Variants in PDE4B observed in about 807,000 individuals in gnomAD.
The protein encoded by PDE4B is 3',5'-cyclic-AMP phosphodiesterase 4B.
In PDE4B, 20 loss-of-function variants were observed where a neutral mutation model predicts 82.2. The ratio of observed to expected loss-of-function variants is 0.24; its 90% CI spans 0.17 to 0.35. The LOEUF is 0.35. Ranked by LOEUF, PDE4B falls within the 10% of genes least tolerant of loss-of-function variation. The pLI is 1.00. For synonymous variants in PDE4B, 320 were observed against 318.9 expected (o/e 1.00, Z -0.04); for missense variants, 655 against 907.2 (o/e 0.72, Z 3.57).
intron 3 of PDE4B, among the ~76,000 whole-genome samples, chr1:66,241,189 T>C (rs756296956): frequency 5.9e-5 from 9 of 152,248 alleles, no homozygotes; most frequent in Non-Finnish European, 1.3e-4. Flanking sequence ...ACTGTAATAT[T>C]CTGCTGTAGC....
At chr1:65,821,055 A>G (rs1645946458) in intron 1 of PDE4B, among the ~76,000 whole-genome samples, 1 of 152,224 alleles carries the variant, frequency 6.6e-6, no homozygotes, top group Admixed American at 6.5e-5. Flanking sequence ...AACCCTGGCC[A>G]TAATTTACAA....
chr1:66,331,995 G>A (rs148287273), intron 7 of PDE4B: 10 of 1,029,540 alleles, frequency 9.7e-6, no homozygotes, highest in African/African-American at 1.7e-5. Flanking sequence ...GACTTTGAAC[G>A]TAATGGTCAA....
rs1196179298 is a variant in PDE4B at position 66,374,237 on chromosome 1, CAA to C, written c.*1560_*1561del. On this transcript the variant is annotated 3_prime_UTR_variant, in exon 17 of 17. Coordinates refer to ENST00000341517, the MANE Select transcript of PDE4B (RefSeq NM_002600.4). ...TTCATTACAAAAGAAAACAATAAAA[CAA>C]TGTGAATTTTTATAATAAAATGTGA... is the stretch of plus-strand genomic sequence containing the variant. 1.3e-5 allele frequency: 2 copies of C among 152,622 alleles called. No individual in the cohort carries two copies. Among genetic ancestry groups the C allele is most frequent in the Non-Finnish European group, 2.9e-5 (2 of 68,034 alleles). 9.5% of individuals were successfully genotyped at this position (152,622 alleles called of 1,614,324 possible). A position where few individuals can be genotyped will look rare whatever the true frequency, so the allele number is the denominator to read the frequency against.
chr1:66,298,687 T>G (rs1657678215), intron 7 of PDE4B, among the ~76,000 whole-genome samples: 1 of 152,146 alleles, frequency 6.6e-6, no homozygotes, highest in African/African-American at 2.4e-5. Context: ...AAGTCAGGTA[T>G]GTGTTGCACT....
chr1:65,992,931 G>A lies in PDE4B; in HGVS notation c.281+74096G>A, dbSNP rs142761289. The A allele has an allele frequency of 2.8e-4, 455 of 1,613,726 alleles. 1 individual carries two copies. The highest frequency in any genetic ancestry group is 3.8e-4 in the East Asian group (17 of 44,858). On this transcript the variant is annotated intron_variant, in intron 3 of 16. Transcript: ENST00000341517. ...CATGACAGCAAAAGATTCTTCAAAG[G>A]AACTTACTGCTTCTGAACCTGAGGT...
chr1:65,973,099 A>G (rs1650230693), intron 3 of PDE4B, among the ~76,000 whole-genome samples: 2 of 152,170 alleles, frequency 1.3e-5, no homozygotes, highest in African/African-American at 2.4e-5. Flanking sequence ...AGGAAAAAAA[A>G]TCAGCTCCAG....
intron 1 of PDE4B, among the ~76,000 whole-genome samples, chr1:65,882,646 G>T (rs904450635): frequency 2.0e-5 from 3 of 150,008 alleles, no homozygotes; most frequent in Non-Finnish European, 1.5e-5. Context: ...ATTTTAAATA[G>T]AATTTTCTTG....
At chr1:65,824,580 C>G (rs946316353) in intron 1 of PDE4B, among the ~76,000 whole-genome samples, 5 of 150,388 alleles carry the variant, frequency 3.3e-5, no homozygotes, top group Admixed American at 6.6e-5. Context: ...TAAATTACCC[C>G]TAAAGTAATT....
chr1:65,868,853 C>A (rs531354541), intron 1 of PDE4B, among the ~76,000 whole-genome samples: 1 of 152,160 alleles, frequency 6.6e-6, no homozygotes, highest in African/African-American at 2.4e-5. Context: ...CTAGGTTGCA[C>A]ACTTTTTATG....
chr1:66,128,084 G>A (rs1022769300), intron 3 of PDE4B, among the ~76,000 whole-genome samples: 1 of 152,116 alleles, frequency 6.6e-6, no homozygotes. Context: ...AATACCATGT[G>A]TTTGAAAATC....
Position 66,114,954 on chromosome 1 carries a change from T to A in PDE4B, c.282-132506T>A, listed in dbSNP as rs143706879. Among the ~76,000 whole-genome samples, 1,120 of 152,308 alleles carry A rather than the reference T, an allele frequency of 7.4e-3. 11 individuals carry two copies. Among genetic ancestry groups the A allele is most frequent in the African/African-American group, 0.025 (1,038 of 41,564 alleles). On this transcript the variant is annotated intron_variant, in intron 3 of 16. Coordinates refer to ENST00000341517, the MANE Select transcript of PDE4B (RefSeq NM_002600.4). ...CCCAGTCATATAAAAAATATGGAGT[T>A]GAATTTTATCCAGTGTCAGAACCTT... is the stretch of plus-strand genomic sequence containing the variant.
chr1:66,136,239 C>G (rs1646052380), intron 3 of PDE4B, among the ~76,000 whole-genome samples: 1 of 152,140 alleles, frequency 6.6e-6, no homozygotes, highest in Non-Finnish European at 1.5e-5. Flanking sequence ...AGCATTTATC[C>G]TGAAACATGG....
At chr1:66,188,769 C>G (rs7418499) in intron 3 of PDE4B, among the ~76,000 whole-genome samples, 74,897 of 150,398 alleles carry the variant, frequency 0.5, 19,253 homozygotes, top group South Asian at 0.63. Context: ...GCACACTGAT[C>G]GGTCTTGACT....
rs1324228293 is a variant in PDE4B at position 65,916,946 on chromosome 1, AT to A, written c.43-1647del. Among the ~76,000 whole-genome samples the A allele has an allele frequency of 2.6e-5, 4 of 152,196 alleles. No homozygotes were observed. The East Asian group carries it at 5.8e-4, about 22-fold the overall frequency. On this transcript the variant is annotated intron_variant, in intron 2 of 16. Coordinates refer to ENST00000341517, the MANE Select transcript of PDE4B (RefSeq NM_002600.4). ...TTCTACTGAATTTCAAATAAATAGTATTTTAAAATTATAAGTCAAGCACAAG... is the reference window on the plus strand; with the variant it reads ...TTCTACTGAATTTCAAATAAATAGTATTTAAAATTATAAGTCAAGCACAAG...
intron 3 of PDE4B, among the ~76,000 whole-genome samples, chr1:66,184,210 T>A (rs1284558431): frequency 6.6e-6 from 1 of 152,000 alleles, no homozygotes; most frequent in Non-Finnish European, 1.5e-5. Flanking sequence ...TTTAGTAAAA[T>A]CCATCAAGCA....
chr1:66,277,880 CT>C (rs1402152116), intron 7 of PDE4B, among the ~76,000 whole-genome samples: 1 of 152,214 alleles, frequency 6.6e-6, no homozygotes, highest in Non-Finnish European at 1.5e-5. Flanking sequence ...AGTTCAATAC[CT>C]TTCTTTCTCT....
At chr1:65,832,847 A>G (rs1646098020) in intron 1 of PDE4B, among the ~76,000 whole-genome samples, 1 of 152,198 alleles carries the variant, frequency 6.6e-6, no homozygotes, top group Non-Finnish European at 1.5e-5. Flanking sequence ...ATTGCTCATT[A>G]AAGTTATTAG....
intron 12 of PDE4B, 25 bp from the exon 13 acceptor site, chr1:66,365,642 T>A: frequency 7.1e-7 from 1 of 1,416,638 alleles, no homozygotes. Flanking sequence ...GGATGTGTAG[T>A]TAAATGTGTT....
At chr1:66,193,813 C>CA (rs1404591172) in intron 3 of PDE4B, among the ~76,000 whole-genome samples, 1 of 151,942 alleles carries the variant, frequency 6.6e-6, no homozygotes, top group Non-Finnish European at 1.5e-5. Context: ...TTAAGTACAC[C>CA]ATGGAAAAAT....
Sources: allele counts gnomAD v4.1 joint callset (sites outside exome capture counted in the v4.1 genomes callset), GRCh38; gene constraint gnomAD v4.1.1; transcripts MANE v1.5; gene names NCBI Gene and HGNC (gene_info 2026-07-23, HGNC 2026-07-21).